Variants in UGT2B7 observed in about 807,000 individuals in gnomAD.
UGT2B7 encodes UDP-glucuronosyltransferase 2B7.
A neutral mutation model predicts 51.9 loss-of-function variants in UGT2B7; 51 were observed. The observed-to-expected ratio is 0.98, with a 90% CI of 0.78 to 1.24. UGT2B7 has a LOEUF of 1.24. Ranked by LOEUF, UGT2B7 falls within the 50% of genes most tolerant of loss-of-function variation. UGT2B7 has a pLI of 0.00. For synonymous variants in UGT2B7, 225 were observed against 211.6 expected, an observed-to-expected ratio of 1.06 and a Z score of -0.55; for missense variants, 727 against 628.4, an observed-to-expected ratio of 1.16 and a Z score of -1.68.
intron 5 of UGT2B7, among the ~76,000 whole-genome samples, chr4:69,112,135 T>A (rs1246280949): frequency 6.6e-6 from 1 of 152,222 alleles, no homozygotes; most frequent in Non-Finnish European, 1.5e-5. Flanking sequence ...AGTTATGTTA[T>A]CTATAGATTC....
chr4:69,104,027 G>T (rs552786575), intron 3 of UGT2B7, among the ~76,000 whole-genome samples: 2 of 152,084 alleles, frequency 1.3e-5, no homozygotes, highest in African/African-American at 2.4e-5. Flanking sequence ...GGTAGCTCAC[G>T]CCTGTAATCC....
intron 3 of UGT2B7, among the ~76,000 whole-genome samples, chr4:69,104,481 AAAAAG>A (rs1719531764): frequency 6.6e-6 from 1 of 152,182 alleles, no homozygotes; most frequent in African/African-American, 2.4e-5. Flanking sequence ...ACAAATTAAA[AAAAAG>A]AAACTTCCTG....
At chr4:69,078,888 G>A (rs954544002) in intron 1 of UGT2B7, among the ~76,000 whole-genome samples, 1 of 152,102 alleles carries the variant, frequency 6.6e-6, no homozygotes, top group Non-Finnish European at 1.5e-5. Flanking sequence ...GCAGTGGTGG[G>A]TGGAATGTCA....
At chr4:69,082,632 A>G (rs1718865269) in intron 1 of UGT2B7, among the ~76,000 whole-genome samples, 1 of 152,056 alleles carries the variant, frequency 6.6e-6, no homozygotes, top group Non-Finnish European at 1.5e-5. Flanking sequence ...AAAGAGAAAA[A>G]TGTGGAAAGC....
chr4:69,064,096 G>GAGAA (rs1307030337), intron 1 of UGT2B7, among the ~76,000 whole-genome samples: 3 of 75,668 alleles, frequency 4.0e-5, no homozygotes, highest in Non-Finnish European at 7.6e-5. Flanking sequence ...AAGAAAGAAA[G>GAGAA]AGAAAGAAAG....
intron 3 of UGT2B7, among the ~76,000 whole-genome samples, chr4:69,104,592 G>A (rs1719537131): frequency 6.6e-6 from 1 of 152,090 alleles, no homozygotes; most frequent in African/African-American, 2.4e-5. Flanking sequence ...TACAGAGGGT[G>A]TTTTTCATTG....
intron 1 of UGT2B7, among the ~76,000 whole-genome samples, chr4:69,079,903 C>A (rs956902804): frequency 6.6e-6 from 1 of 151,920 alleles, no homozygotes; most frequent in African/African-American, 2.4e-5. Context: ...GTAATCCTAG[C>A]ATTCCTGAGT....
At chr4:69,096,347 C>A (rs762365097), upstream of UGT2B7, 1 of 990,106 alleles carries the variant, frequency 1.0e-6, no homozygotes, top group Non-Finnish European at 1.5e-6. Flanking sequence ...GATCATTTAC[C>A]TTCATTTGTC....
chr4:69,072,621 A>G (rs1363985479), intron 1 of UGT2B7, among the ~76,000 whole-genome samples: 3 of 152,152 alleles, frequency 2.0e-5, no homozygotes, highest in Admixed American at 6.6e-5. Flanking sequence ...TAACATACAA[A>G]TTCTTAAAAC....
chr4:69,061,426 G>T (rs1482982730), intron 1 of UGT2B7, among the ~76,000 whole-genome samples: 2 of 152,200 alleles, frequency 1.3e-5, no homozygotes, highest in Non-Finnish European at 2.9e-5. Flanking sequence ...GGCAAAGCAA[G>T]CTGCAATGGC....
At chr4:69,105,921 G>A (rs945555996) in intron 3 of UGT2B7, among the ~76,000 whole-genome samples, 3 of 151,784 alleles carry the variant, frequency 2.0e-5, no homozygotes, top group Admixed American at 2.0e-4. Flanking sequence ...TACTCAAAAA[G>A]ATATGAATAC....
In UGT2B7 at chr4:69,097,861, A is replaced by AT. The variant is rs1390617499; in HGVS notation, c.721+621dup. On this transcript the variant is annotated intron_variant, in intron 1 of 5. Transcript: ENST00000305231. ...ATCTTGTTGAAGTGTGAAGGTTGTT[A>AT]TATCTACATAGTTTTTTGAAACTAT... 2.0e-5 allele frequency among the ~76,000 whole-genome samples: 3 copies of AT among 152,200 alleles called. No individual in the cohort carries two copies. In the East Asian group the frequency reaches 5.8e-4, roughly 29 times the overall value.
chr4:69,086,739 T>C (rs1718968640), intron 1 of UGT2B7, among the ~76,000 whole-genome samples: 1 of 151,906 alleles, frequency 6.6e-6, no homozygotes, highest in South Asian at 2.1e-4. Context: ...CAACTTCTTA[T>C]CAATCCTGAC....
At chr4:69,107,094 T>C (rs1560511871) in intron 3 of UGT2B7, 81 bp from the exon 4 acceptor site, 2 of 1,436,498 alleles carry the variant, frequency 1.4e-6, no homozygotes, top group Non-Finnish European at 9.6e-7. Context: ...CTTGATCTCA[T>C]TCCTACTCTT....
intron 3 of UGT2B7, among the ~76,000 whole-genome samples, chr4:69,104,034 A>G (rs1016674945): frequency 6.6e-6 from 1 of 152,148 alleles, no homozygotes; most frequent in African/African-American, 2.4e-5. Flanking sequence ...CACGCCTGTA[A>G]TCCCAGTATT....
intron 2 of UGT2B7, among the ~76,000 whole-genome samples, chr4:69,099,715 ATAT>A (rs1719364760): frequency 6.6e-6 from 1 of 152,078 alleles, no homozygotes; most frequent in Non-Finnish European, 1.5e-5. Context: ...TGACTCAGAA[ATAT>A]TATTAATTTT....
intron 2 of UGT2B7, 33 bp downstream of exon 2, chr4:69,098,721 G>A: frequency 6.3e-7 from 1 of 1,598,976 alleles, no homozygotes; most frequent in South Asian, 1.1e-5. Flanking sequence ...TATTTTGTTG[G>A]CTTTGAATTT....
chr4:69,059,071 T>A (rs1318748908), intron 1 of UGT2B7, among the ~76,000 whole-genome samples: 3 of 152,142 alleles, frequency 2.0e-5, no homozygotes, highest in Admixed American at 2.0e-4. Context: ...CAGGCACTGA[T>A]CTGATCAGAC....
At chr4:69,076,078 C>A (rs1279207617) in intron 1 of UGT2B7, among the ~76,000 whole-genome samples, 4 of 152,086 alleles carry the variant, frequency 2.6e-5, no homozygotes, top group Non-Finnish European at 5.9e-5. Context: ...TGGTTTCCAG[C>A]TTCATCCATG....
Sources: gnomAD v4.1 joint callset for allele counts (sites outside exome capture counted in the v4.1 genomes callset) on GRCh38, gnomAD v4.1.1 for gene constraint, MANE v1.5 for transcripts, NCBI Gene and HGNC (gene_info 2026-07-23, HGNC 2026-07-21) for gene names.